Variants in LRRTM4 observed in about 807,000 individuals in gnomAD.
The protein encoded by LRRTM4 is leucine-rich repeat transmembrane neuronal protein 4.
Under a neutral mutation model 47.6 loss-of-function variants are expected in LRRTM4, and 25 were observed. That is an observed-to-expected ratio of 0.53 (90% CI 0.38 to 0.73). The LOEUF (loss-of-function observed/expected upper bound fraction) is 0.73. Among genes scored for constraint, LRRTM4 ranks in the 30% least tolerant of loss-of-function variants. LRRTM4 has a pLI of 0.00. For synonymous variants in LRRTM4, 311 were observed against 269.5 expected, an observed-to-expected ratio of 1.15 and a Z score of -1.51; for missense variants, 638 against 713.4, an observed-to-expected ratio of 0.89 and a Z score of 1.20.
At chr2:77,013,697 T>C (rs1677956800) in intron 3 of LRRTM4, among the ~76,000 whole-genome samples, 1 of 152,020 alleles carries the variant, frequency 6.6e-6, no homozygotes, top group Non-Finnish European at 1.5e-5. Context: ...GATAACAATC[T>C]CCCCAGTAAA....
intron 3 of LRRTM4, among the ~76,000 whole-genome samples, chr2:77,480,818 G>GTA (rs1677655281): frequency 8.7e-6 from 1 of 114,902 alleles, no homozygotes; most frequent in Non-Finnish European, 1.7e-5. Flanking sequence ...GTGTGTGTGT[G>GTA]TGTGGAGAGA....
chr2:77,323,416 C>A (rs1284559360), intron 3 of LRRTM4, among the ~76,000 whole-genome samples: 1 of 152,048 alleles, frequency 6.6e-6, no homozygotes, highest in Admixed American at 6.6e-5. Flanking sequence ...ACTGTTGAGG[C>A]TCTAACATTT....
chr2:76,965,752 G>C (rs1558766253), intron 3 of LRRTM4, among the ~76,000 whole-genome samples: 1 of 151,340 alleles, frequency 6.6e-6, no homozygotes, highest in East Asian at 2.0e-4. Context: ...CACAGTACTT[G>C]AAAACAAATT....
At chr2:77,329,216 A>G (rs553230752) in intron 3 of LRRTM4, among the ~76,000 whole-genome samples, 5 of 152,188 alleles carry the variant, frequency 3.3e-5, no homozygotes, top group Non-Finnish European at 5.9e-5. Context: ...TTCAGCTCAA[A>G]TTACCAAAAA....
intron 3 of LRRTM4, among the ~76,000 whole-genome samples, chr2:77,266,808 A>G (rs1676062784): frequency 6.6e-6 from 1 of 152,150 alleles, no homozygotes; most frequent in Admixed American, 6.5e-5. Flanking sequence ...ATGAAGCTTA[A>G]GACTGGAACA....
intron 3 of LRRTM4, among the ~76,000 whole-genome samples, chr2:76,942,562 T>C (rs764194294): frequency 6.6e-6 from 1 of 151,678 alleles, no homozygotes; most frequent in Non-Finnish European, 1.5e-5. Flanking sequence ...TGTATGAATT[T>C]TTATTACAAA....
intron 3 of LRRTM4, among the ~76,000 whole-genome samples, chr2:77,289,588 T>A (rs1027572903): frequency 6.6e-6 from 1 of 150,784 alleles, no homozygotes; most frequent in East Asian, 1.9e-4. Flanking sequence ...ATGTTAGTGG[T>A]TTTTTTTTAG....
chr2:77,052,464 C>T (rs1436095194), intron 3 of LRRTM4, among the ~76,000 whole-genome samples: 1 of 151,936 alleles, frequency 6.6e-6, no homozygotes, highest in Non-Finnish European at 1.5e-5. Flanking sequence ...CCACCATGCC[C>T]AGCCGACATC....
At chr2:77,095,683 AT>A (rs1376225219) in intron 3 of LRRTM4, among the ~76,000 whole-genome samples, 5 of 151,452 alleles carry the variant, frequency 3.3e-5, no homozygotes, top group Non-Finnish European at 4.4e-5. Flanking sequence ...TAATTTTTGT[AT>A]TTTTTAGTAG....
chr2:77,360,973 G>A (rs1048812748), intron 3 of LRRTM4, among the ~76,000 whole-genome samples: 1 of 151,738 alleles, frequency 6.6e-6, no homozygotes, highest in Admixed American at 6.6e-5. Context: ...CCCAGACTAG[G>A]ATGAATCAAA....
chr2:77,438,391 TAA>T (rs1450598398), intron 3 of LRRTM4, among the ~76,000 whole-genome samples: 1 of 141,144 alleles, frequency 7.1e-6, no homozygotes, highest in Non-Finnish European at 1.5e-5. Flanking sequence ...TCGATCATGA[TAA>T]TTTTTTTTTT....
chr2:77,512,072 G>A (rs148846679), intron 3 of LRRTM4, among the ~76,000 whole-genome samples: 31 of 152,088 alleles, frequency 2.0e-4, no homozygotes, highest in East Asian at 1.2e-3. Context: ...ATCTTCCTAC[G>A]TTAGCCTCAC....
At chr2:77,174,698 A>G (rs538695247) in intron 3 of LRRTM4, among the ~76,000 whole-genome samples, 1 of 152,016 alleles carries the variant, frequency 6.6e-6, no homozygotes, top group Non-Finnish European at 1.5e-5. Context: ...CACAACGTGC[A>G]GGTTTGTTAC....
At chr2:76,906,885 C>T (rs1673859636) in intron 3 of LRRTM4, among the ~76,000 whole-genome samples, 2 of 151,070 alleles carry the variant, frequency 1.3e-5, no homozygotes, top group Non-Finnish European at 1.5e-5. Context: ...TAGACTCCCA[C>T]ACAATAATAA....
intron 3 of LRRTM4, among the ~76,000 whole-genome samples, chr2:76,912,582 T>TG (rs1674106749): frequency 6.6e-6 from 1 of 152,214 alleles, no homozygotes; most frequent in Non-Finnish European, 1.5e-5. Flanking sequence ...TTAATTTATA[T>TG]GCAGCCAAAA....
chr2:77,241,665 A>C lies in LRRTM4; in HGVS notation c.1551+276653T>G, dbSNP rs117126946. On this transcript the variant is annotated intron_variant, in intron 3 of 3. Transcript: ENST00000409884. ...TTTATCTTTGAATATACATAATTAC[A>C]AGACACAGATAAGGGGATTAGCAAA... Among the ~76,000 whole-genome samples, 135 of 152,242 alleles carry C rather than the reference A, an allele frequency of 8.9e-4. 2 individuals are homozygous for C. In the East Asian group the frequency reaches 0.022, roughly 24 times the overall value.
At chr2:76,955,642 T>C (rs1014265230) in intron 3 of LRRTM4, among the ~76,000 whole-genome samples, 2 of 151,750 alleles carry the variant, frequency 1.3e-5, no homozygotes, top group South Asian at 4.2e-4. Context: ...AGGTGGGGCC[T>C]TTGGAGTGTA....
intron 3 of LRRTM4, among the ~76,000 whole-genome samples, chr2:76,896,227 C>A (rs939300195): frequency 6.6e-6 from 1 of 151,934 alleles, no homozygotes; most frequent in Non-Finnish European, 1.5e-5. Flanking sequence ...CACACACACA[C>A]AGACACACGA....
At chr2:77,309,702 GATAGA>G (rs1677395363) in intron 3 of LRRTM4, among the ~76,000 whole-genome samples, 1 of 151,260 alleles carries the variant, frequency 6.6e-6, no homozygotes, top group Non-Finnish European at 1.5e-5. Context: ...TAGATAGATA[GATAGA>G]TAGATAGATA....
Sources: gnomAD v4.1 joint callset for allele counts (sites outside exome capture counted in the v4.1 genomes callset) on GRCh38, gnomAD v4.1.1 for gene constraint, MANE v1.5 for transcripts, NCBI Gene and HGNC (gene_info 2026-07-23, HGNC 2026-07-21) for gene names.